Variants in ZNF891 observed in about 807,000 individuals in gnomAD.
ZNF891 encodes the protein zinc finger protein 891.
For missense variants in ZNF891, 589 were observed against 632.7 expected (o/e 0.93, Z 0.74); for synonymous variants, 199 against 209.0 (o/e 0.95, Z 0.41).
chr12:133,106,030 A>G lies in ZNF891; in HGVS notation c.*14254T>C, dbSNP rs1465031681. On this transcript the variant is annotated 3_prime_UTR_variant, in exon 2 of 2. Transcript: ENST00000537226. ...AACCTTATGAATGTACTGAGTGTGG[A>G]AAGGCCTTTAGCCGTGCCTCCAACC... is the stretch of plus-strand genomic sequence containing the variant. 2.2e-5 allele frequency: 35 copies of G among 1,614,050 alleles called. No individual in the cohort carries two copies. The East Asian group carries it at 7.8e-4, about 36-fold the overall frequency.
At position 133,119,223 on chromosome 12, in the gene ZNF891, G is replaced by GAA. The variant is rs201592590; in HGVS notation, c.*1059_*1060dup. 18 of 143,352 alleles carry GAA rather than the reference G, an allele frequency of 1.3e-4. No individual in the cohort carries two copies. The highest frequency in any genetic ancestry group is 1.5e-4 in the Non-Finnish European group (10 of 65,532). The allele number at this position is 143,352 out of a possible 1,614,324, so 8.9% of individuals were successfully genotyped here. A position where few individuals can be genotyped will look rare whatever the true frequency, so the allele number is the denominator to read the frequency against. On this transcript the variant is annotated 3_prime_UTR_variant, in exon 2 of 2. Coordinates refer to ENST00000537226, the MANE Select transcript of ZNF891 (RefSeq NM_001277291.2). Reference sequence around the variant, plus strand: ...AGACAGAGACTCTGTCTGAAAAATTGAAAAAAAAAAAGAAAAAATCAATTA... The same window carrying GAA: ...AGACAGAGACTCTGTCTGAAAAATTGAAAAAAAAAAAAAGAAAAAATCAATTA...
chr12:133,122,074 G>C, intron 1 of ZNF891, 50 bp from the exon 2 acceptor site: 11 of 1,398,032 alleles, frequency 7.9e-6, no homozygotes, highest in Non-Finnish European at 1.0e-5. Context: ...TGGAAACAGG[G>C]CCCCACTTGG....
At position 133,110,254 on chromosome 12, in the gene ZNF891, T is replaced by C. The variant is rs1297537296; in HGVS notation, c.*10030A>G. On this transcript the variant is annotated 3_prime_UTR_variant, in exon 2 of 2. Transcript: ENST00000537226. ...GAGGGAGACGTTTAAAAGATGAGTC[T>C]AGGAATATTGCAAAAGTAGTAAAAG... The C allele has an allele frequency of 6.6e-6, 1 of 152,160 alleles. No homozygotes were observed. The highest frequency in any genetic ancestry group is 2.4e-5 in the African/African-American group (1 of 41,424). The allele number at this position is 152,160 out of a possible 1,614,324, so 9.4% of individuals were successfully genotyped here.
intron 1 of ZNF891, among the ~76,000 whole-genome samples, chr12:133,123,339 G>C (rs1015187212): frequency 3.9e-5 from 6 of 152,156 alleles, no homozygotes; most frequent in Admixed American, 2.0e-4. Flanking sequence ...AACAATTTGA[G>C]TAAACCAAAT....
chr12:133,113,347 G>A lies in ZNF891; in HGVS notation c.*6937C>T, dbSNP rs1955697103. ...AAAAAAGACAAAAGAAAAAAATTAT[G>A]ACATAACCATTGATAAAACTTTGGT... is the stretch of plus-strand genomic sequence containing the variant. On this transcript the variant is annotated 3_prime_UTR_variant, in exon 2 of 2. Transcript: ENST00000537226. The A allele has an allele frequency of 6.6e-6, 1 of 151,856 alleles. No individual in the cohort carries two copies. The highest frequency in any genetic ancestry group is 1.5e-5 in the Non-Finnish European group (1 of 67,956). The allele number at this position is 151,856 out of a possible 1,614,324, so 9.4% of individuals were successfully genotyped here.
In ZNF891 at chr12:133,109,766, G is replaced by A. The variant is rs1955667752; in HGVS notation, c.*10518C>T. 1 of 152,174 alleles carries A rather than the reference G, an allele frequency of 6.6e-6. No individual in the cohort carries two copies. The highest frequency in any genetic ancestry group is 2.4e-5 in the African/African-American group (1 of 41,440). The allele number at this position is 152,174 out of a possible 1,614,324, so 9.4% of individuals were successfully genotyped here. Reference sequence around the variant, plus strand: ...TGGAAATGCAGAAATAAATAACACTGGAGGGGTAAATATGTTGATAAATAC... The same window carrying A: ...TGGAAATGCAGAAATAAATAACACTAGAGGGGTAAATATGTTGATAAATAC... On this transcript the variant is annotated 3_prime_UTR_variant, in exon 2 of 2. Transcript: ENST00000537226.
Position 133,121,074 on chromosome 12 carries a change from G to A in ZNF891, c.845C>T (p.Pro282Leu). Residue 282 changes from proline to leucine, a missense_variant, in exon 2 of 2, where the codon CCT (proline) becomes CTT (leucine). Pro to Leu is a moderately conservative substitution (Grantham distance 98). Coordinates refer to ENST00000537226, the MANE Select transcript of ZNF891 (RefSeq NM_001277291.2). ...TGCCATATGCAAATTGTTAGGTACA[G>A]GAAACATATTATGTGTGAAGTGCAT... ...HGMHFTHNMF[P>L]VPNNLHMAQN... 1 of 1,535,584 alleles carries A rather than the reference G, an allele frequency of 6.5e-7. No homozygotes were observed. The highest frequency in any genetic ancestry group is 8.7e-7 in the Non-Finnish European group (1 of 1,146,848).
Position 133,106,922 on chromosome 12 carries a change from C to A in ZNF891, c.*13362G>T. ...CCATCTGGTAATGTTGAGAAGACTT[C>A]ATTTGGTAGGAGTCCCTTACTTTAC... On this transcript the variant is annotated 3_prime_UTR_variant, in exon 2 of 2. Coordinates refer to ENST00000537226, the MANE Select transcript of ZNF891 (RefSeq NM_001277291.2). The A allele has an allele frequency of 3.7e-6, 1 of 269,788 alleles. No homozygotes were observed. Among genetic ancestry groups the A allele is most frequent in the Non-Finnish European group, 7.0e-6 (1 of 142,520 alleles). The allele number at this position is 269,788 out of a possible 1,614,324, so 16.7% of individuals were successfully genotyped here.
Position 133,107,000 on chromosome 12 carries a change from C to T in ZNF891, c.*13284G>A, listed in dbSNP as rs1282066378. On this transcript the variant is annotated 3_prime_UTR_variant, in exon 2 of 2. Transcript: ENST00000537226. Reference sequence around the variant, plus strand: ...ACATATCCAATAGATTGGAGAAAGCCAGAGATTAGCCCTCATTCCGCATCT... The same window carrying T: ...ACATATCCAATAGATTGGAGAAAGCTAGAGATTAGCCCTCATTCCGCATCT... 1 of 171,014 alleles carries T rather than the reference C, an allele frequency of 5.8e-6. No homozygotes were observed. The highest frequency in any genetic ancestry group is 1.2e-5 in the Non-Finnish European group (1 of 80,168). 10.6% of individuals were successfully genotyped at this position (171,014 alleles called of 1,614,324 possible).
Position 133,119,557 on chromosome 12 carries a change from A to C in ZNF891, c.*727T>G, listed in dbSNP as rs369650462. The C allele has an allele frequency of 6.6e-6, 1 of 152,014 alleles. No homozygotes were observed. The highest frequency in any genetic ancestry group is 2.4e-5 in the African/African-American group (1 of 41,418). The allele number at this position is 152,014 out of a possible 1,614,324, so 9.4% of individuals were successfully genotyped here. A position where few individuals can be genotyped will look rare whatever the true frequency, so the allele number is the denominator to read the frequency against. On this transcript the variant is annotated 3_prime_UTR_variant, in exon 2 of 2. Coordinates refer to ENST00000537226, the MANE Select transcript of ZNF891 (RefSeq NM_001277291.2). ...GACTCCATCTCAAAAAACAAACAAA[A>C]AACCTTATTTTTCTCATGTAGGAAC...
Position 133,112,060 on chromosome 12 carries a change from G to A in ZNF891, c.*8224C>T, listed in dbSNP as rs961471801. On this transcript the variant is annotated 3_prime_UTR_variant, in exon 2 of 2. Coordinates refer to ENST00000537226, the MANE Select transcript of ZNF891 (RefSeq NM_001277291.2). Reference sequence around the variant, plus strand: ...TATAAACTCATGTCATAGCTAGCAAGGTCTTTATCTGGCCCCTGCCTCCTT... The same window carrying A: ...TATAAACTCATGTCATAGCTAGCAAAGTCTTTATCTGGCCCCTGCCTCCTT... 6.6e-6 allele frequency: 1 copy of A among 152,124 alleles called. No homozygotes were observed. The highest frequency in any genetic ancestry group is 2.4e-5 in the African/African-American group (1 of 41,416). 9.4% of individuals were successfully genotyped at this position (152,124 alleles called of 1,614,324 possible).
rs1955654362 is a variant in ZNF891, at chr12:133,108,409, T to C, written c.*11875A>G. 1 of 152,038 alleles carries C rather than the reference T, an allele frequency of 6.6e-6. No individual in the cohort carries two copies. Among genetic ancestry groups the C allele is most frequent in the Non-Finnish European group, 1.5e-5 (1 of 68,006 alleles). 9.4% of individuals were successfully genotyped at this position (152,038 alleles called of 1,614,324 possible). A position where few individuals can be genotyped will look rare whatever the true frequency, so the allele number is the denominator to read the frequency against. ...ATTATTTATTTATTTAAGAGTATAC[T>C]CAATTTCTCCCATTATCTGCTCCAC... On this transcript the variant is annotated 3_prime_UTR_variant, in exon 2 of 2. Transcript: ENST00000537226.
chr12:133,116,276 T>G lies in ZNF891; in HGVS notation c.*4008A>C, dbSNP rs566619977. 320 of 152,398 alleles carry G rather than the reference T, an allele frequency of 2.1e-3. 1 individual carries two copies. Among genetic ancestry groups the G allele is most frequent in the Non-Finnish European group, 3.6e-3 (245 of 68,132 alleles). 9.4% of individuals were successfully genotyped at this position (152,398 alleles called of 1,614,324 possible). A position where few individuals can be genotyped will look rare whatever the true frequency, so the allele number is the denominator to read the frequency against. ...CCCACCACCACACTTGGCTAATTTT[T>G]TGTATTTTTAGTAGAGACGAGGTTT... On this transcript the variant is annotated 3_prime_UTR_variant, in exon 2 of 2. Transcript: ENST00000537226.
chr12:133,106,204 A>AT lies in ZNF891; in HGVS notation c.*14079dup. ...ATGAATGCATTGAATGTGGGAAGGCATTTCGCCGTTTCTCACACCTTACTC... is the reference window on the plus strand; with the variant it reads ...ATGAATGCATTGAATGTGGGAAGGCATTTTCGCCGTTTCTCACACCTTACTC... On this transcript the variant is annotated 3_prime_UTR_variant, in exon 2 of 2. Transcript: ENST00000537226. 6.2e-7 allele frequency: 1 copy of AT among 1,614,104 alleles called. No homozygotes were observed.
At position 133,115,410 on chromosome 12, in the gene ZNF891, A is replaced by AAAAAAAAAAAAAAAAAAAAAAAAAAAC. The variant is rs1158375950; in HGVS notation, c.*4873_*4874insGTTTTTTTTTTTTTTTTTTTTTTTTTT. The AAAAAAAAAAAAAAAAAAAAAAAAAAAC allele has an allele frequency of 6.7e-6, 1 of 149,664 alleles. No homozygotes were observed. The highest frequency in any genetic ancestry group is 1.5e-5 in the Non-Finnish European group (1 of 67,498). The allele number at this position is 149,664 out of a possible 1,614,324, so 9.3% of individuals were successfully genotyped here. A position where few individuals can be genotyped will look rare whatever the true frequency, so the allele number is the denominator to read the frequency against. On this transcript the variant is annotated 3_prime_UTR_variant, in exon 2 of 2. Transcript: ENST00000537226. The stretch of plus-strand genomic sequence containing the variant: ...CTTCTCAAAAAAAAAAAAAAAAAAA[A>AAAAAAAAAAAAAAAAAAAAAAAAAAAC]AAAAAAGATGTGGGATAAAAGGTAT...
At chr12:133,125,161 T>A (rs1326470024) in intron 1 of ZNF891, among the ~76,000 whole-genome samples, 1 of 148,578 alleles carries the variant, frequency 6.7e-6, no homozygotes, top group African/African-American at 2.4e-5. Context: ...GAACACTGCC[T>A]ATACATTAGT....
chr12:133,114,139 C>T lies in ZNF891; in HGVS notation c.*6145G>A, dbSNP rs780399171. 2 of 152,118 alleles carry T rather than the reference C, an allele frequency of 1.3e-5. No individual in the cohort carries two copies. The highest frequency in any genetic ancestry group is 2.9e-5 in the Non-Finnish European group (2 of 68,036). The allele number at this position is 152,118 out of a possible 1,614,324, so 9.4% of individuals were successfully genotyped here. On this transcript the variant is annotated 3_prime_UTR_variant, in exon 2 of 2. Coordinates refer to ENST00000537226, the MANE Select transcript of ZNF891 (RefSeq NM_001277291.2). ...AATACATAATGGAACAGAATATGAA[C>T]ACTTGCTCTACAAAAAATAAGTCTG...
chr12:133,124,696 C>T (rs954490961), intron 1 of ZNF891, among the ~76,000 whole-genome samples: 8 of 147,886 alleles, frequency 5.4e-5, no homozygotes, highest in African/African-American at 2.0e-4. Flanking sequence ...AGGAAAACAA[C>T]AACAACCTAG....
In ZNF891 at chr12:133,121,899, G is replaced by A. The variant is rs539429590; in HGVS notation, c.20C>T (p.Ser7Phe). MAVMDL[S>F]SPWALTKQDS... ...CTGTTTAGTTAAAGCCCATGGGGAG[G>A]ATAGGTCCATAACTGCCATTTTATG... Residue 7 changes from serine to phenylalanine, a missense_variant, in exon 2 of 2, where the codon TCC (serine) becomes TTC (phenylalanine). Ser to Phe is a radical substitution (Grantham distance 155). Transcript: ENST00000537226. 6.5e-7 allele frequency: 1 copy of A among 1,535,088 alleles called. No homozygotes were observed. Among genetic ancestry groups the A allele is most frequent in the African/African-American group, 1.4e-5 (1 of 72,808 alleles).
Sources: allele counts gnomAD v4.1 joint callset (sites outside exome capture counted in the v4.1 genomes callset), GRCh38; gene constraint gnomAD v4.1.1; transcripts MANE v1.5; gene names NCBI Gene and HGNC (gene_info 2026-07-23, HGNC 2026-07-21).